The following HECW2 variants were observed in gnomAD, a reference collection of about 807,000 sequenced individuals.
HECW2 encodes HECT, C2 and WW domain containing E3 ubiquitin protein ligase 2.
HECW2 carries 61 observed loss-of-function variants against 175.2 expected under a neutral mutation model. The observed-to-expected ratio is 0.35, with a 90% CI of 0.28 to 0.43. The LOEUF is 0.43. HECW2 is among the 20% of genes least tolerant of loss of function. The pLI, the probability that HECW2 is intolerant of heterozygous loss-of-function variation, is 1.00. For synonymous variants in HECW2, 671 were observed against 731.0 expected (o/e 0.92, Z 1.32); for missense variants, 1,524 against 2,000.5 (o/e 0.76, Z 4.54).
chr2:196,275,240 C>A (rs1023337792), intron 15 of HECW2, among the ~76,000 whole-genome samples: 3 of 152,108 alleles, frequency 2.0e-5, no homozygotes, highest in African/African-American at 7.2e-5. Context: ...TCCCACAGAA[C>A]AAACAGAACA....
intron 1 of HECW2, among the ~76,000 whole-genome samples, chr2:196,486,516 A>G (rs937682219): frequency 6.6e-6 from 1 of 152,196 alleles, no homozygotes; most frequent in African/African-American, 2.4e-5. Flanking sequence ...CATTATACAC[A>G]GGAGTGACCC....
intron 14 of HECW2, among the ~76,000 whole-genome samples, chr2:196,284,823 CTA>C (rs1241592830): frequency 1.3e-5 from 2 of 151,466 alleles, no homozygotes; most frequent in Non-Finnish European, 2.9e-5. Context: ...TAAATGCTGT[CTA>C]GAGTAGAGTA....
Position 196,319,284 on chromosome 2 carries a change from G to A in HECW2, c.1606C>T (p.Leu536Phe), listed in dbSNP as rs1484396511. 2 of 1,610,864 alleles carry A rather than the reference G, an allele frequency of 1.2e-6. No homozygotes were observed. The highest frequency in any genetic ancestry group is 1.3e-5 in the African/African-American group (1 of 74,922). Residue 536 changes from leucine (L) to phenylalanine (F), a missense_variant, in exon 9 of 29, where the codon CTT becomes TTT. This residue lies in a region of HECW2 where 604 missense variants were observed against 588.3 expected (regional missense o/e 1.03). Coordinates refer to ENST00000644978, the MANE Select transcript of HECW2 (RefSeq NM_001348768.2). ...FEDKPENLPELAESSLPAGPA... is the reference protein window; with the variant it reads ...FEDKPENLPEFAESSLPAGPA... ...CCTGCAGGTAAGGAGCTCTCTGCAA[G>A]CTCTGGAAGATTTTCTGGCTTATCC...
chr2:196,396,941 C>T (rs1278066250), intron 2 of HECW2, among the ~76,000 whole-genome samples: 1 of 151,830 alleles, frequency 6.6e-6, no homozygotes, highest in Non-Finnish European at 1.5e-5. Flanking sequence ...GAAGCCCCAT[C>T]TCTACTAAAA....
chr2:196,449,984 C>G (rs1696297080), intron 1 of HECW2, among the ~76,000 whole-genome samples: 1 of 152,196 alleles, frequency 6.6e-6, no homozygotes, highest in Non-Finnish European at 1.5e-5. Context: ...TATGCATTTT[C>G]TCTGCCTACA....
At chr2:196,220,545 T>C (rs1687628566) in intron 25 of HECW2, among the ~76,000 whole-genome samples, 1 of 152,246 alleles carries the variant, frequency 6.6e-6, no homozygotes, top group Non-Finnish European at 1.5e-5. Flanking sequence ...TAAATGTTAC[T>C]AGTGGTCATT....
chr2:196,547,792 C>T (rs1689474423), intron 1 of HECW2, among the ~76,000 whole-genome samples: 1 of 152,204 alleles, frequency 6.6e-6, no homozygotes, highest in South Asian at 2.1e-4. Context: ...AGAGAAATGG[C>T]TAGATTTTCC....
chr2:196,203,877 C>A (rs1011016974), intron 28 of HECW2, among the ~76,000 whole-genome samples: 5 of 152,160 alleles, frequency 3.3e-5, no homozygotes, highest in African/African-American at 4.8e-5. Flanking sequence ...CATTTCCTCT[C>A]CCCCTAGCCC....
At chr2:196,218,811 A>G (rs1158639790) in intron 26 of HECW2, among the ~76,000 whole-genome samples, 1 of 152,262 alleles carries the variant, frequency 6.6e-6, no homozygotes. Flanking sequence ...CGATGGGTTA[A>G]CAACATTATA....
At chr2:196,587,499 G>T (rs1691025270) in intron 1 of HECW2, among the ~76,000 whole-genome samples, 1 of 152,106 alleles carries the variant, frequency 6.6e-6, no homozygotes, top group South Asian at 2.1e-4. Context: ...CTCTAAGTAT[G>T]TTTATGGTAT....
intron 13 of HECW2, among the ~76,000 whole-genome samples, chr2:196,293,905 C>T (rs11887664): frequency 0.065 from 9,906 of 152,240 alleles, 1,068 homozygotes; most frequent in African/African-American, 0.22. Flanking sequence ...TCTCACTGAC[C>T]ATCACACTCA....
intron 1 of HECW2, among the ~76,000 whole-genome samples, chr2:196,568,607 C>T (rs1225473657): frequency 1.3e-5 from 2 of 152,174 alleles, no homozygotes; most frequent in Non-Finnish European, 2.9e-5. Flanking sequence ...AAGCAACATG[C>T]ATTCAGTTGA....
rs1575562525 is a variant in HECW2, at chr2:196,457,178, CT to C, written c.-35-23721del. On this transcript the variant is annotated intron_variant, in intron 1 of 28. Coordinates refer to ENST00000644978, the MANE Select transcript of HECW2 (RefSeq NM_001348768.2). The stretch of plus-strand genomic sequence containing the variant: ...TTGGAGAGATACTACACATATGTCT[CT>C]GCTCTGATGTCATAAAGCTTTGATC... Among the ~76,000 whole-genome samples, 6 of 152,332 alleles carry C rather than the reference CT, an allele frequency of 3.9e-5. No homozygotes were observed. The South Asian group carries it at 1.0e-3, about 26-fold the overall frequency.
intron 1 of HECW2, among the ~76,000 whole-genome samples, chr2:196,440,911 TAA>T (rs879874056): frequency 1.3e-5 from 2 of 152,110 alleles, no homozygotes; most frequent in Admixed American, 6.6e-5. Flanking sequence ...CTTAAAAAAT[TAA>T]AAAAAACCCT....
chr2:196,557,497 C>T (rs537998380), intron 1 of HECW2, among the ~76,000 whole-genome samples: 1 of 151,972 alleles, frequency 6.6e-6, no homozygotes, highest in South Asian at 2.1e-4. Context: ...CCCTGAAAGA[C>T]AGTTTTGCAA....
chr2:196,426,819 C>T (rs1452908976), intron 2 of HECW2, among the ~76,000 whole-genome samples: 2 of 152,070 alleles, frequency 1.3e-5, no homozygotes, highest in Admixed American at 1.3e-4. Flanking sequence ...AAAACATAAG[C>T]TTAAACTTTG....
chr2:196,255,277 C>A (rs1689015773), intron 18 of HECW2, among the ~76,000 whole-genome samples: 1 of 150,636 alleles, frequency 6.6e-6, no homozygotes, highest in Admixed American at 6.7e-5. Context: ...CAGGCGTGAG[C>A]CACTGCGCCT....
chr2:196,465,687 C>T (rs1218324472), intron 1 of HECW2, among the ~76,000 whole-genome samples: 1 of 150,144 alleles, frequency 6.7e-6, no homozygotes, highest in East Asian at 2.0e-4. Context: ...CTCATGTTTC[C>T]TAACTGTGCC....
At chr2:196,519,825 G>T (rs1350667130) in intron 1 of HECW2, among the ~76,000 whole-genome samples, 1 of 152,294 alleles carries the variant, frequency 6.6e-6, no homozygotes, top group East Asian at 1.9e-4. Context: ...ATATGTGTTA[G>T]TTTTAATCTC....
Sources: gnomAD v4.1 joint callset for allele counts (sites outside exome capture counted in the v4.1 genomes callset) on GRCh38, gnomAD v4.1.1 for gene constraint, gnomAD v4.1.1 regional missense constraint, MANE v1.5 for transcripts, NCBI Gene and HGNC (gene_info 2026-07-23, HGNC 2026-07-21) for gene names.